NDUFA8: variants seen among roughly 807,000 people sequenced by gnomAD.
NDUFA8 encodes NADH:ubiquinone oxidoreductase subunit A8, also known as NADH dehydrogenase [ubiquinone] 1 alpha subcomplex subunit 8.
A neutral mutation model predicts 20.9 loss-of-function variants in NDUFA8; 16 were observed. That is an observed-to-expected ratio of 0.77 (90% CI 0.52 to 1.16). The LOEUF is 1.16. Among genes scored for constraint, NDUFA8 ranks in the 50% most tolerant of loss-of-function variants. The pLI, the probability that NDUFA8 is intolerant of heterozygous loss-of-function variation, is 0.00. For missense variants in NDUFA8, 202 were observed against 216.4 expected (o/e 0.93, Z 0.42); for synonymous variants, 70 against 76.1 (o/e 0.92, Z 0.41).
the NDUFA8 span, among the ~76,000 whole-genome samples, chr9:122,138,874 GGC>G: frequency 1.4e-5 from 2 of 138,742 alleles, no homozygotes; most frequent in Non-Finnish European, 3.2e-5. Flanking sequence ...GTGGGGGGGG[GGC>G]CATCTGAGCA....
chr9:122,159,406 G>T (rs12336136), intron 1 of NDUFA8, among the ~76,000 whole-genome samples: 1 of 152,158 alleles, frequency 6.6e-6, no homozygotes, highest in African/African-American at 2.4e-5. Context: ...GCGAAAGGGG[G>T]AGGATTCTAG....
downstream of NDUFA8, chr9:122,144,028 G>C (rs1341061445): frequency 1.4e-6 from 2 of 1,390,956 alleles, no homozygotes; most frequent in African/African-American, 2.9e-5. Flanking sequence ...AAGGCCAAAA[G>C]GTCACATAAA....
At chr9:122,135,820 G>A in the NDUFA8 span, among the ~76,000 whole-genome samples, 1 of 152,084 alleles carries the variant, frequency 6.6e-6, no homozygotes, top group Non-Finnish European at 1.5e-5. Flanking sequence ...AGCTCCTGGG[G>A]TCAAGTGACC....
chr9:122,150,256 A>G, intron 2 of NDUFA8, among the ~76,000 whole-genome samples: 1 of 151,846 alleles, frequency 6.6e-6, no homozygotes, highest in East Asian at 1.9e-4. Flanking sequence ...TAAAAATACA[A>G]AAAATTAGCT....
chr9:122,158,493 C>A (rs1829113504), intron 1 of NDUFA8, among the ~76,000 whole-genome samples: 1 of 152,118 alleles, frequency 6.6e-6, no homozygotes, highest in African/African-American at 2.4e-5. Flanking sequence ...TAGGCCGTCT[C>A]ATTCTTGTGA....
the NDUFA8 span, among the ~76,000 whole-genome samples, chr9:122,133,931 C>T: frequency 0.58 from 88,424 of 152,076 alleles, 26,877 homozygotes; most frequent in Middle Eastern, 0.71. Flanking sequence ...TCCTGAGACC[C>T]GGCCAGGCCA....
At chr9:122,157,491 G>A (rs1829091754) in intron 1 of NDUFA8, among the ~76,000 whole-genome samples, 1 of 152,156 alleles carries the variant, frequency 6.6e-6, no homozygotes. Flanking sequence ...ACCTTGTCTT[G>A]TATTTTAGTT....
downstream of NDUFA8, among the ~76,000 whole-genome samples, chr9:122,142,093 T>C (rs1252876992): frequency 6.6e-6 from 1 of 152,212 alleles, no homozygotes; most frequent in Non-Finnish European, 1.5e-5. Context: ...AGAAAGACGG[T>C]ATGGTTTATT....
chr9:122,151,778 CA>C (rs1829002446), intron 2 of NDUFA8, among the ~76,000 whole-genome samples: 1 of 147,480 alleles, frequency 6.8e-6, no homozygotes, highest in Non-Finnish European at 1.5e-5. Context: ...TACAATTACA[CA>C]GCTTAGTTTT....
intron 1 of NDUFA8, among the ~76,000 whole-genome samples, chr9:122,156,967 A>C (rs1015207353): frequency 6.6e-6 from 1 of 152,130 alleles, no homozygotes; most frequent in Non-Finnish European, 1.5e-5. Flanking sequence ...CCTAAATGAC[A>C]ATTCTTATTT....
chr9:122,146,432 T>C (rs954707456), intron 3 of NDUFA8, among the ~76,000 whole-genome samples: 3 of 152,174 alleles, frequency 2.0e-5, no homozygotes, highest in African/African-American at 7.2e-5. Context: ...ATTTGTTACA[T>C]GTATAAGTTC....
downstream of NDUFA8, among the ~76,000 whole-genome samples, chr9:122,142,997 C>T (rs987378927): frequency 2.6e-5 from 4 of 152,168 alleles, no homozygotes; most frequent in Non-Finnish European, 4.4e-5. Context: ...TTGCAGAACA[C>T]GTGGGGGTTC....
chr9:122,144,912 T>C (rs1198687810), intron 3 of NDUFA8, among the ~76,000 whole-genome samples: 1 of 152,204 alleles, frequency 6.6e-6, no homozygotes, highest in Non-Finnish European at 1.5e-5. Flanking sequence ...AATCAAAGGC[T>C]GCATGAAGAA....
intron 2 of NDUFA8, among the ~76,000 whole-genome samples, chr9:122,150,961 G>C (rs1828986261): frequency 9.7e-6 from 1 of 103,550 alleles, no homozygotes; most frequent in Non-Finnish European, 1.8e-5. Context: ...AACAGAGTGA[G>C]ACTCCGTCTC....
At chr9:122,146,783 C>A in intron 3 of NDUFA8, among the ~76,000 whole-genome samples, 1 of 152,204 alleles carries the variant, frequency 6.6e-6, no homozygotes, top group South Asian at 2.1e-4. Context: ...GTAGTCCCAG[C>A]TACTTGGGAG....
intron 1 of NDUFA8, among the ~76,000 whole-genome samples, chr9:122,152,735 A>G (rs973050392): frequency 1.3e-5 from 2 of 152,068 alleles, no homozygotes; most frequent in Non-Finnish European, 2.9e-5. Flanking sequence ...TTTAAAATCT[A>G]TGGTGATTTA....
At chr9:122,155,871 C>A (rs10818639) in intron 1 of NDUFA8, among the ~76,000 whole-genome samples, 65,034 of 152,062 alleles carry the variant, frequency 0.43, 16,705 homozygotes, top group Non-Finnish European at 0.58. Flanking sequence ...GAAATCTTAT[C>A]AAAATGAAGG....
chr9:122,154,608 T>G (rs2118715161), intron 1 of NDUFA8, among the ~76,000 whole-genome samples: 1 of 152,344 alleles, frequency 6.6e-6, no homozygotes, highest in South Asian at 2.1e-4. Context: ...AAAACTGCCA[T>G]TTACAAATAA....
chr9:122,138,865 T>TGGG, the NDUFA8 span, among the ~76,000 whole-genome samples: 27,309 of 88,420 alleles, frequency 0.31, 5,198 homozygotes, highest in Non-Finnish European at 0.42. Context: ...CAAGAAGAGG[T>TGGG]GGGGGGGGGG....
Sources: allele counts gnomAD v4.1 joint callset (sites outside exome capture counted in the v4.1 genomes callset), GRCh38; gene constraint gnomAD v4.1.1; transcripts MANE v1.5; gene names NCBI Gene and HGNC (gene_info 2026-07-23, HGNC 2026-07-21).